PRICKLE2: variants seen among roughly 807,000 people sequenced by gnomAD.
PRICKLE2 encodes prickle planar cell polarity protein 2, also known as prickle-like protein 2.
A neutral mutation model predicts 81.4 loss-of-function variants in PRICKLE2; 21 were observed. That is an observed-to-expected ratio of 0.26 (90% CI 0.18 to 0.37). The LOEUF (loss-of-function observed/expected upper bound fraction) is 0.37, where lower values mean the gene tolerates loss of function less well. Among genes scored for constraint, PRICKLE2 ranks in the 10% least tolerant of loss-of-function variants. PRICKLE2 has a pLI of 1.00. For synonymous variants in PRICKLE2, 456 were observed against 421.5 expected (o/e 1.08, Z -1.00); for missense variants, 940 against 1,109.0 (o/e 0.85, Z 2.16).
intron 2 of PRICKLE2, among the ~76,000 whole-genome samples, chr3:64,172,434 CA>C (rs1362607819): frequency 2.0e-5 from 3 of 152,218 alleles, no homozygotes; most frequent in African/African-American, 7.2e-5. Context: ...TTGGACTCTG[CA>C]GTCAGATTGT....
Position 64,256,900 on chromosome 3 carries a change from A to C in PRICKLE2, c.129-57933T>G, listed in dbSNP as rs191324657. Among the ~76,000 whole-genome samples, 1,136 of 152,336 alleles carry C rather than the reference A, an allele frequency of 7.5e-3. 9 individuals are homozygous for C. Among genetic ancestry groups the C allele is most frequent in the South Asian group, 0.011 (52 of 4,822 alleles). ...TAAGGCCACCTAACACAAAGGGACA[A>C]AATGGATATGAGTCTTTTTTGGCAC... is the stretch of plus-strand genomic sequence containing the variant. On this transcript the variant is annotated intron_variant, in intron 2 of 8. Transcript: ENST00000295902.
chr3:64,182,929 A>G (rs915633553), intron 2 of PRICKLE2, among the ~76,000 whole-genome samples: 1 of 152,166 alleles, frequency 6.6e-6, no homozygotes, highest in African/African-American at 2.4e-5. Flanking sequence ...GCAGAGGAAA[A>G]AAGATAGCAA....
At chr3:64,265,046 T>C (rs1466330028) in intron 2 of PRICKLE2, among the ~76,000 whole-genome samples, 1 of 152,198 alleles carries the variant, frequency 6.6e-6, no homozygotes, top group Non-Finnish European at 1.5e-5. Flanking sequence ...ACATCTTCCA[T>C]TCTTCTGGAA....
At chr3:64,202,544 G>A (rs1054233136) in intron 1 of PRICKLE2, among the ~76,000 whole-genome samples, 3 of 151,772 alleles carry the variant, frequency 2.0e-5, no homozygotes, top group Admixed American at 6.6e-5. Context: ...TCACTTTCAG[G>A]TAGTTATTGT....
Position 64,157,274 on chromosome 3 carries a change from G to A in PRICKLE2, c.488C>T (p.Thr163Ile), listed in dbSNP as rs1212791044. ...VCWHPPCFVC[T>I]VCNELLVDLI... ...ATCCACCAGGAGCTCATTGCAGACA[G>A]TGCATACGAAGCACGGCGGGTGCCA... The change falls in exon 5 of 8, where the codon ACT becomes ATT. Residue 163 changes from threonine to isoleucine, a missense_variant. Physicochemically the swap from Thr to Ile is moderately conservative, Grantham distance 89. This residue lies in a region of PRICKLE2 where 270 missense variants were observed against 391.8 expected (regional missense o/e 0.69). Transcript: ENST00000638394. 14 of 1,614,116 alleles carry A rather than the reference G, an allele frequency of 8.7e-6. No homozygotes were observed. The highest frequency in any genetic ancestry group is 1.2e-5 in the Non-Finnish European group (14 of 1,180,044).
intron 7 of PRICKLE2, among the ~76,000 whole-genome samples, chr3:64,114,236 A>G (rs1246120472): frequency 6.6e-6 from 1 of 152,198 alleles, no homozygotes; most frequent in Non-Finnish European, 1.5e-5. Flanking sequence ...GCAACCTCAA[A>G]GATTGAAGGT....
intron 2 of PRICKLE2, among the ~76,000 whole-genome samples, chr3:64,195,127 A>T (rs2078425904): frequency 6.6e-6 from 1 of 152,244 alleles, no homozygotes; most frequent in African/African-American, 2.4e-5. Context: ...TGCTACCATT[A>T]AACCCCTTAT....
intron 2 of PRICKLE2, among the ~76,000 whole-genome samples, chr3:64,192,485 C>T (rs549391569): frequency 2.7e-4 from 41 of 152,244 alleles, no homozygotes; most frequent in African/African-American, 9.1e-4. Flanking sequence ...TAGGGGCCAG[C>T]CAAAGTAGTT....
At chr3:64,257,648 A>G (rs1396031161) in intron 2 of PRICKLE2, among the ~76,000 whole-genome samples, 1 of 152,180 alleles carries the variant, frequency 6.6e-6, no homozygotes, top group Non-Finnish European at 1.5e-5. Context: ...GTCTTATGGA[A>G]AGAGTGGTGG....
chr3:64,252,543 A>G (rs2079463132), intron 2 of PRICKLE2, among the ~76,000 whole-genome samples: 1 of 152,154 alleles, frequency 6.6e-6, no homozygotes, highest in African/African-American at 2.4e-5. Flanking sequence ...CCATGGCAAA[A>G]TTGGTTATTT....
chr3:64,258,421 T>C (rs1312606019), intron 2 of PRICKLE2, among the ~76,000 whole-genome samples: 1 of 152,056 alleles, frequency 6.6e-6, no homozygotes, highest in African/African-American at 2.4e-5. Flanking sequence ...AAGAAAACAA[T>C]TGGATCTCAC....
chr3:64,180,196 T>C (rs1226728856), intron 2 of PRICKLE2, among the ~76,000 whole-genome samples: 1 of 152,234 alleles, frequency 6.6e-6, no homozygotes, highest in Non-Finnish European at 1.5e-5. Context: ...CCCTTTGGTC[T>C]GTGCAAGAGA....
chr3:64,149,181 C>T (rs1444868433), intron 6 of PRICKLE2, among the ~76,000 whole-genome samples: 1 of 152,174 alleles, frequency 6.6e-6, no homozygotes, highest in East Asian at 1.9e-4. Context: ...ATCATCTCTG[C>T]CCTCTTCTGG....
intron 7 of PRICKLE2, among the ~76,000 whole-genome samples, chr3:64,144,043 G>C (rs2077405581): frequency 6.6e-6 from 1 of 151,930 alleles, no homozygotes; most frequent in Non-Finnish European, 1.5e-5. Context: ...ATGTATTTGA[G>C]GAGGATAGAA....
Position 64,099,984 on chromosome 3 carries a change from C to T in PRICKLE2, c.1661-59G>A. ...TACAGATGTGCAGCAATGGGTATCA[C>T]TGTCACTGCTGGTCATCTATCTAGG... On this transcript the variant is annotated intron_variant, in intron 7 of 7. Coordinates refer to ENST00000638394, the MANE Select transcript of PRICKLE2 (RefSeq NM_198859.4). The surrounding 1 kb of genome is among the most constrained non-coding windows in gnomAD (Gnocchi z 4.3). 6.5e-7 allele frequency: 1 copy of T among 1,546,896 alleles called. No individual in the cohort carries two copies. The highest frequency in any genetic ancestry group is 1.4e-5 in the African/African-American group (1 of 73,672).
chr3:64,194,575 C>T (rs2078413315), intron 2 of PRICKLE2, among the ~76,000 whole-genome samples: 1 of 152,194 alleles, frequency 6.6e-6, no homozygotes, highest in South Asian at 2.1e-4. Context: ...AAGAATTATC[C>T]TGTCCAAAAT....
chr3:64,152,049 G>A (rs765768376), intron 6 of PRICKLE2, among the ~76,000 whole-genome samples: 4 of 152,212 alleles, frequency 2.6e-5, no homozygotes, highest in Non-Finnish European at 4.4e-5. Flanking sequence ...TGTCCACAAA[G>A]CCAGGGTTTT....
intron 1 of PRICKLE2, among the ~76,000 whole-genome samples, chr3:64,224,276 T>C (rs1313466012): frequency 6.6e-6 from 1 of 152,134 alleles, no homozygotes; most frequent in Non-Finnish European, 1.5e-5. Context: ...AAGACCCCCA[T>C]GGCAAATTAG....
intron 1 of PRICKLE2, among the ~76,000 whole-genome samples, chr3:64,210,410 T>C (rs1363682264): frequency 1.3e-5 from 2 of 151,990 alleles, no homozygotes; most frequent in Non-Finnish European, 2.9e-5. Context: ...GGAAAAATGG[T>C]TTCCTAATAA....
Sources: allele counts gnomAD v4.1 joint callset (sites outside exome capture counted in the v4.1 genomes callset), GRCh38; gene constraint gnomAD v4.1.1; regional missense constraint gnomAD v4.1.1; non-coding constraint Gnocchi (gnomAD v3.1); transcripts MANE v1.5; gene names NCBI Gene and HGNC (gene_info 2026-07-23, HGNC 2026-07-21).